NRG3: variants seen among roughly 807,000 people sequenced by gnomAD.
The protein encoded by NRG3 is neuregulin 3.
In NRG3, 31 loss-of-function variants were observed where a neutral mutation model predicts 66.9. The observed-to-expected ratio is 0.46, with a 90% CI of 0.35 to 0.63. The LOEUF (loss-of-function observed/expected upper bound fraction) is 0.63. Among genes scored for constraint, NRG3 ranks in the 20% least tolerant of loss-of-function variants. NRG3 has a pLI of 0.00. For synonymous variants in NRG3, 393 were observed against 359.4 expected, an observed-to-expected ratio of 1.09 and a Z score of -1.06; for missense variants, 910 against 878.9, an observed-to-expected ratio of 1.04 and a Z score of -0.45.
intron 1 of NRG3, among the ~76,000 whole-genome samples, chr10:82,207,483 T>C (rs2075176266): frequency 6.6e-6 from 1 of 152,170 alleles, no homozygotes; most frequent in African/African-American, 2.4e-5. Flanking sequence ...AGTGTACACA[T>C]GTAAAGTGTT....
intron 1 of NRG3, among the ~76,000 whole-genome samples, chr10:81,969,644 G>T (rs2059853652): frequency 6.6e-6 from 1 of 152,186 alleles, no homozygotes; most frequent in Non-Finnish European, 1.5e-5. Flanking sequence ...AGTTCACCTG[G>T]TGCTGATAAT....
rs565290174 is a variant in NRG3, at chr10:82,983,205, C to A, written c.1584-1893C>A. ...TTTTTGTCTCTGTTTCACTGGTGAA[C>A]CTGACAGGCAGACTTTCTATATTTT... is the stretch of plus-strand genomic sequence containing the variant. On this transcript the variant is annotated intron_variant, in intron 8 of 8. Transcript: ENST00000372141. 3.3e-5 allele frequency among the ~76,000 whole-genome samples: 5 copies of A among 152,270 alleles called. No homozygotes were observed. The South Asian group carries it at 1.0e-3, about 32-fold the overall frequency.
chr10:82,050,820 G>A (rs892971996), intron 1 of NRG3, among the ~76,000 whole-genome samples: 5 of 151,620 alleles, frequency 3.3e-5, no homozygotes, highest in Admixed American at 6.6e-5. Context: ...CTCCAGCCAT[G>A]CCTCCACTTG....
chr10:82,290,812 T>TG (rs1347693433), intron 1 of NRG3, among the ~76,000 whole-genome samples: 1 of 151,154 alleles, frequency 6.6e-6, no homozygotes, highest in Non-Finnish European at 1.5e-5. Flanking sequence ...TTTTTTTTTT[T>TG]TTGTATTTTT....
In NRG3 at chr10:82,403,930, A is replaced by T. The variant is rs79160668; in HGVS notation, c.953+45062A>T. On this transcript the variant is annotated intron_variant, in intron 2 of 8. Coordinates refer to ENST00000372141, the MANE Select transcript of NRG3 (RefSeq NM_001010848.4). ...AAATTTTTTGGGGGGTTAAAAGTGA[A>T]CTAATATATGAAAAACAATTTTGTA... is the stretch of plus-strand genomic sequence containing the variant. Among the ~76,000 whole-genome samples, 299 of 152,222 alleles carry T rather than the reference A, an allele frequency of 2.0e-3. 7 individuals are homozygous for T. In the East Asian group the frequency reaches 0.042, roughly 21 times the overall value.
chr10:82,556,072 A>T (rs1244360950), intron 2 of NRG3, among the ~76,000 whole-genome samples: 2 of 152,130 alleles, frequency 1.3e-5, no homozygotes, highest in African/African-American at 4.8e-5. Flanking sequence ...CTCACCTCAC[A>T]GCTTCATTTG....
intron 1 of NRG3, among the ~76,000 whole-genome samples, chr10:82,289,329 T>C (rs953064211): frequency 6.6e-6 from 1 of 151,942 alleles, no homozygotes; most frequent in African/African-American, 2.4e-5. Flanking sequence ...CCTTCCCTCC[T>C]TCAGCTGCAA....
At chr10:82,276,851 C>T (rs890406377) in intron 1 of NRG3, among the ~76,000 whole-genome samples, 3 of 151,920 alleles carry the variant, frequency 2.0e-5, no homozygotes, top group Non-Finnish European at 4.4e-5. Flanking sequence ...GTGTGTATAG[C>T]ACAGAAAACT....
chr10:82,448,022 G>T (rs1427534107), intron 2 of NRG3, among the ~76,000 whole-genome samples: 1 of 152,158 alleles, frequency 6.6e-6, no homozygotes, highest in African/African-American at 2.4e-5. Context: ...GAGGGATGGT[G>T]ACGAGAACAT....
At chr10:82,917,428 T>G (rs1362200294) in intron 4 of NRG3, among the ~76,000 whole-genome samples, 5 of 152,218 alleles carry the variant, frequency 3.3e-5, no homozygotes, top group Non-Finnish European at 5.9e-5. Flanking sequence ...GGGCTTTCAT[T>G]TAAGGACAAT....
chr10:82,546,338 G>A (rs2132823706), intron 2 of NRG3, among the ~76,000 whole-genome samples: 1 of 152,144 alleles, frequency 6.6e-6, no homozygotes, highest in East Asian at 1.9e-4. Context: ...AAATGCAAAA[G>A]TTGCATAATA....
intron 3 of NRG3, among the ~76,000 whole-genome samples, chr10:82,781,640 A>C (rs2060121585): frequency 6.6e-6 from 1 of 152,092 alleles, no homozygotes; most frequent in Non-Finnish European, 1.5e-5. Flanking sequence ...AGCAAGAAAA[A>C]TATATGTAGA....
intron 1 of NRG3, among the ~76,000 whole-genome samples, chr10:82,075,668 TA>T (rs1295348787): frequency 6.6e-6 from 1 of 152,146 alleles, no homozygotes; most frequent in East Asian, 1.9e-4. Flanking sequence ...GATGATTTTT[TA>T]TTTTCCTTAT....
At chr10:81,898,395 G>A (rs566581589) in intron 1 of NRG3, among the ~76,000 whole-genome samples, 31 of 152,208 alleles carry the variant, frequency 2.0e-4, no homozygotes, top group Admixed American at 4.6e-4. Flanking sequence ...TGACAGCCAC[G>A]TGCTGGAAAT....
intron 1 of NRG3, among the ~76,000 whole-genome samples, chr10:81,978,448 A>G (rs1046865315): frequency 2.6e-5 from 4 of 152,202 alleles, no homozygotes; most frequent in Non-Finnish European, 5.9e-5. Flanking sequence ...CTTTGCTTCA[A>G]GATAGCCAAG....
chr10:82,089,256 G>GCATA (rs2065896094), intron 1 of NRG3, among the ~76,000 whole-genome samples: 24 of 152,142 alleles, frequency 1.6e-4, no homozygotes, highest in African/African-American at 5.1e-4. Flanking sequence ...CACAATTTTT[G>GCATA]TTAAAATAGT....
intron 1 of NRG3, among the ~76,000 whole-genome samples, chr10:82,183,190 C>T (rs775886976): frequency 2.6e-5 from 4 of 151,884 alleles, no homozygotes; most frequent in Non-Finnish European, 4.4e-5. Flanking sequence ...TTGTTTCTGT[C>T]CAGTAATTTT....
In NRG3 at chr10:82,080,179, A is replaced by G. The variant is rs139011490; in HGVS notation, c.823+204016A>G. On this transcript the variant is annotated intron_variant, in intron 1 of 8. Coordinates refer to ENST00000372141, the MANE Select transcript of NRG3 (RefSeq NM_001010848.4). ...CCATCCTCATACATCCTGCTCACAC[A>G]CACTTGACTCTTCATGACACCTCCT... Among the ~76,000 whole-genome samples, 308 of 152,062 alleles carry G rather than the reference A, an allele frequency of 2.0e-3. 1 individual carries two copies. The highest frequency in any genetic ancestry group is 7.1e-3 in the African/African-American group (294 of 41,450).
intron 2 of NRG3, among the ~76,000 whole-genome samples, chr10:82,703,594 G>A (rs2056063702): frequency 6.6e-6 from 1 of 152,094 alleles, no homozygotes. Flanking sequence ...ACCCTTTTAT[G>A]GGTCAGATTC....
Sources: gnomAD v4.1 joint callset for allele counts (sites outside exome capture counted in the v4.1 genomes callset) on GRCh38, gnomAD v4.1.1 for gene constraint, MANE v1.5 for transcripts, NCBI Gene and HGNC (gene_info 2026-07-23, HGNC 2026-07-21) for gene names.